Variants in TYW1 observed in about 807,000 individuals in gnomAD.
The protein encoded by TYW1 is tRNA-yW synthesizing protein 1 homolog.
In TYW1, 46 loss-of-function variants were observed where a neutral mutation model predicts 96.2. That is an observed-to-expected ratio of 0.48 (90% CI 0.38 to 0.61). The LOEUF (loss-of-function observed/expected upper bound fraction) is 0.61, where lower values mean the gene tolerates loss of function less well. Among genes scored for constraint, TYW1 ranks in the 20% least tolerant of loss-of-function variants. TYW1 has a pLI of 0.00. For synonymous variants in TYW1, 274 were observed against 323.0 expected (o/e 0.85, Z 1.63); for missense variants, 684 against 909.6 (o/e 0.75, Z 3.19).
intron 13 of TYW1, among the ~76,000 whole-genome samples, chr7:67,121,229 G>A (rs1422813917): frequency 2.6e-5 from 4 of 152,112 alleles, no homozygotes; most frequent in Non-Finnish European, 5.9e-5. Flanking sequence ...TGTTAGCTAG[G>A]GTCAAACATA....
At chr7:67,113,402 C>T (rs940803396) in intron 12 of TYW1, among the ~76,000 whole-genome samples, 4 of 152,158 alleles carry the variant, frequency 2.6e-5, no homozygotes, top group Admixed American at 2.6e-4. Context: ...GTTGTTTTGG[C>T]TTCTCTTAGG....
At chr7:67,074,004 C>T (rs1447356507) in intron 10 of TYW1, among the ~76,000 whole-genome samples, 1 of 150,594 alleles carries the variant, frequency 6.6e-6, no homozygotes, top group African/African-American at 2.4e-5. Flanking sequence ...ATGGTGTGAA[C>T]CCAGGAGGTG....
chr7:67,117,669 T>C lies in TYW1; in HGVS notation c.1698+51T>C, dbSNP rs571987731. Reference sequence around the variant, plus strand: ...AAATAAACAACCCTCAGGTGTGTACTGAAGTTAAGAAGAAAGAAAGATGGA... The same window carrying C: ...AAATAAACAACCCTCAGGTGTGTACCGAAGTTAAGAAGAAAGAAAGATGGA... On this transcript the variant is annotated intron_variant, in intron 13 of 15. Coordinates refer to ENST00000359626, the MANE Select transcript of TYW1 (RefSeq NM_018264.4). The C allele has an allele frequency of 4.6e-5, 66 of 1,443,330 alleles. 1 individual carries two copies. The East Asian group carries it at 1.6e-3, about 35-fold the overall frequency. 89.4% of individuals were successfully genotyped at this position (1,443,330 alleles called of 1,614,324 possible). A position where few individuals can be genotyped will look rare whatever the true frequency, so the allele number is the denominator to read the frequency against.
Position 67,077,943 on chromosome 7 carries a change from G to GTCTTTCCC in TYW1, c.1275-5487_1275-5486insTCTTTCCC, listed in dbSNP as rs759017491. ...TGTATATTGTCTTTCCCCACTGCAT[G>GTCTTTCCC]ACCTTGGCACCTTAGTCAAAAATTG... On this transcript the variant is annotated intron_variant, in intron 10 of 15. Transcript: ENST00000359626. Among the ~76,000 whole-genome samples the GTCTTTCCC allele has an allele frequency of 5.0e-3, 755 of 152,190 alleles. 1 individual carries two copies. The highest frequency in any genetic ancestry group is 0.01 in the Middle Eastern group (3 of 294).
intron 10 of TYW1, among the ~76,000 whole-genome samples, chr7:67,073,899 G>A (rs1322717403): frequency 8.6e-5 from 13 of 150,524 alleles, no homozygotes; most frequent in Admixed American, 3.3e-4. Flanking sequence ...TGGCTAACAC[G>A]GTGAAACTCC....
intron 7 of TYW1, among the ~76,000 whole-genome samples, chr7:67,047,685 A>G (rs990069768): frequency 2.0e-5 from 3 of 148,266 alleles, no homozygotes; most frequent in Non-Finnish European, 3.0e-5. Flanking sequence ...TCTCTAAAGT[A>G]CTTTTTTCAC....
chr7:67,034,909 G>A (rs62466627), intron 7 of TYW1, among the ~76,000 whole-genome samples: 45,831 of 152,022 alleles, frequency 0.3, 7,198 homozygotes, highest in East Asian at 0.53. Context: ...AAGTTGCAAA[G>A]AGTTTCCCAT....
chr7:67,050,293 A>C (rs1272360877), intron 8 of TYW1, among the ~76,000 whole-genome samples: 2 of 152,158 alleles, frequency 1.3e-5, no homozygotes, highest in East Asian at 3.8e-4. Context: ...GTGTGGGTCA[A>C]GTTCACAGAT....
intron 13 of TYW1, among the ~76,000 whole-genome samples, chr7:67,159,721 G>T (rs1799097716): frequency 6.6e-6 from 1 of 152,098 alleles, no homozygotes. Flanking sequence ...TAGCCATGCT[G>T]TATGTAGTAA....
chr7:67,075,909 A>C (rs541095469), intron 10 of TYW1, among the ~76,000 whole-genome samples: 1 of 152,362 alleles, frequency 6.6e-6, no homozygotes, highest in South Asian at 2.1e-4. Context: ...AAATTTATTC[A>C]AAGACCTGTG....
At chr7:67,219,670 G>A (rs28759371) in intron 15 of TYW1, among the ~76,000 whole-genome samples, 40,597 of 151,126 alleles carry the variant, frequency 0.27, 5,819 homozygotes, top group African/African-American at 0.36. Flanking sequence ...ATTTGTTGGC[G>A]TACCATTGTT....
At chr7:67,044,846 C>T (rs1470294323) in intron 7 of TYW1, among the ~76,000 whole-genome samples, 2 of 152,122 alleles carry the variant, frequency 1.3e-5, no homozygotes, top group Admixed American at 1.3e-4. Flanking sequence ...TCTCAAACTG[C>T]TGACCTCAGG....
intron 13 of TYW1, among the ~76,000 whole-genome samples, chr7:67,169,157 T>A (rs9654771): frequency 0.28 from 42,754 of 152,130 alleles, 6,524 homozygotes; most frequent in African/African-American, 0.4. Context: ...ATATTATTGT[T>A]TACTTTTTAA....
At chr7:67,021,121 C>A (rs1794247229) in intron 6 of TYW1, among the ~76,000 whole-genome samples, 1 of 152,288 alleles carries the variant, frequency 6.6e-6, no homozygotes, top group Non-Finnish European at 1.5e-5. Flanking sequence ...ATCTTTTCTT[C>A]CCTAGGGGAT....
chr7:67,194,277 G>T (rs1336306752), intron 14 of TYW1, among the ~76,000 whole-genome samples: 2 of 151,628 alleles, frequency 1.3e-5, no homozygotes, highest in African/African-American at 4.9e-5. Context: ...TTCCCTTTTG[G>T]CATGATTGTT....
chr7:67,009,708 G>A (rs4717340), intron 4 of TYW1, 24 bp downstream of exon 4: 213,007 of 1,552,072 alleles, frequency 0.14, 15,506 homozygotes, highest in Middle Eastern at 0.14. Flanking sequence ...TTTTTCTTCA[G>A]TCAAAACTCT....
intron 13 of TYW1, among the ~76,000 whole-genome samples, chr7:67,135,059 T>A (rs1018026404): frequency 3.3e-5 from 5 of 151,442 alleles, no homozygotes; most frequent in African/African-American, 1.2e-4. Flanking sequence ...AGGCCAAGGC[T>A]GCAGTGAGCT....
At chr7:67,000,712 G>A (rs1184135497) in intron 3 of TYW1, among the ~76,000 whole-genome samples, 2 of 152,204 alleles carry the variant, frequency 1.3e-5, no homozygotes, top group African/African-American at 4.8e-5. Context: ...GTGCTGAGAT[G>A]ATAGGCATGA....
intron 12 of TYW1, among the ~76,000 whole-genome samples, chr7:67,116,844 A>G (rs904056111): frequency 6.6e-6 from 1 of 152,026 alleles, no homozygotes; most frequent in Non-Finnish European, 1.5e-5. Context: ...ATAAGAATGC[A>G]TTTTTTTCTT....
Sources: allele counts gnomAD v4.1 joint callset (sites outside exome capture counted in the v4.1 genomes callset), GRCh38; gene constraint gnomAD v4.1.1; transcripts MANE v1.5; gene names NCBI Gene and HGNC (gene_info 2026-07-23, HGNC 2026-07-21).